Variants in DSC1 observed in about 807,000 individuals in gnomAD.
DSC1 encodes the protein desmocollin-1.
DSC1 carries 79 observed loss-of-function variants against 98.8 expected under a neutral mutation model. That is an observed-to-expected ratio of 0.80 (90% CI 0.67 to 0.96). The LOEUF (loss-of-function observed/expected upper bound fraction) is 0.96, where lower values mean the gene tolerates loss of function less well. DSC1 is among the 50% of genes least tolerant of loss of function. DSC1 has a pLI of 0.00. For synonymous variants in DSC1, 405 were observed against 372.1 expected (o/e 1.09, Z -1.02); for missense variants, 1,115 against 1,075.9 (o/e 1.04, Z -0.51).
intron 1 of DSC1, among the ~76,000 whole-genome samples, chr18:31,160,957 G>A (rs529097675): frequency 1.5e-4 from 23 of 151,962 alleles, no homozygotes; most frequent in Non-Finnish European, 2.8e-4. Flanking sequence ...TTTCATCCTT[G>A]TGCAGACATC....
In DSC1 at chr18:31,130,689, T is replaced by C; in HGVS notation, c.2510A>G (p.Asp837Gly). 2 of 1,614,162 alleles carry C rather than the reference T, an allele frequency of 1.2e-6. No homozygotes were observed. Among genetic ancestry groups the C allele is most frequent in the Middle Eastern group, 1.7e-4 (1 of 6,060 alleles). Residue 837 changes from aspartate (D) to glycine (G), a missense_variant, in exon 16 of 16, where the codon GAT (aspartate) becomes GGT (glycine). Physicochemically the swap from Asp to Gly is moderately conservative, Grantham distance 94 (BLOSUM62 -1). Transcript: ENST00000257198. ...LGEKVYLCGQ[D>G]EEHKHCEDYV... ...GTCTTCACAATGTTTATGCTCCTCA[T>C]CTTGTCCACACAAATACACCTTCTG...
Position 31,139,842 on chromosome 18 carries a change from G to T in DSC1, c.1569C>A (p.His523Gln). 6.2e-7 allele frequency: 1 copy of T among 1,611,332 alleles called. No homozygotes were observed. The highest frequency in any genetic ancestry group is 8.5e-7 in the Non-Finnish European group (1 of 1,179,242). ...DEDNWFEINQ[H>Q]TGDLRTLKVL... ...CTTTTAGAGTTCTCAAGTCGCCAGT[G>T]TGTTGATTAATTTCAAACCAGTTAT... is the stretch of plus-strand genomic sequence containing the variant. Residue 523 changes from histidine to glutamine, a missense_variant, in exon 11 of 16, where the codon CAC becomes CAA. Coordinates refer to ENST00000257198, the MANE Select transcript of DSC1 (RefSeq NM_024421.2).
rs770263674 is a variant in DSC1 at position 31,145,691 on chromosome 18, T to A, written c.859A>T (p.Ile287Phe). ...TRLKYKILQQ[I>F]PDHPKHFSIH... ...GAGAAATGCTTTGGATGATCTGGGA[T>A]TTGTTGTAAGATTTTATATTTCAGA... Residue 287 changes from isoleucine to phenylalanine, a missense_variant, in exon 7 of 16, where the codon ATC becomes TTC. Ile to Phe is a conservative substitution (Grantham distance 21). Transcript: ENST00000257198. 7 of 1,614,088 alleles carry A rather than the reference T, an allele frequency of 4.3e-6. No homozygotes were observed. The highest frequency in any genetic ancestry group is 5.9e-6 in the Non-Finnish European group (7 of 1,180,040).
At chr18:31,143,468 A>G (rs1885410756) in intron 8 of DSC1, among the ~76,000 whole-genome samples, 189 bp downstream of exon 8, 2 of 152,142 alleles carry the variant, frequency 1.3e-5, no homozygotes, top group South Asian at 4.1e-4. Context: ...TTATTTCCCT[A>G]GCATCCAGAA....
Position 31,141,988 on chromosome 18 carries a change from T to G in DSC1, c.1260+11A>C. ...ATTTTAAAGCATAGCCTGATTATTT[T>G]ATTTGTTTACCTTGACAACACACAG... On this transcript the variant is annotated intron_variant, in intron 9 of 15. Coordinates refer to ENST00000257198, the MANE Select transcript of DSC1 (RefSeq NM_024421.2). The G allele has an allele frequency of 6.3e-7, 1 of 1,590,990 alleles. No homozygotes were observed. Among genetic ancestry groups the G allele is most frequent in the Non-Finnish European group, 8.5e-7 (1 of 1,173,492 alleles).
chr18:31,132,352 C>T (rs1988512648), intron 14 of DSC1: 1 of 502,688 alleles, frequency 2.0e-6, no homozygotes, highest in Non-Finnish European at 3.4e-6. Context: ...TGAAACAATA[C>T]TTGTCTGTTG....
chr18:31,138,618 A>C (rs1598616229), intron 11 of DSC1, among the ~76,000 whole-genome samples: 1 of 6,504 alleles, frequency 1.5e-4, no homozygotes, highest in Non-Finnish European at 9.8e-4. Flanking sequence ...TTTTGTTATT[A>C]AAAAAAAAAA....
rs760668090 is a variant in DSC1, at chr18:31,142,098, G to A, written c.1161C>T (p.His387=). ...VQDQDLPNTP[H]SKAVYKILQG... is the part of the protein sequence containing the mutation. ...GTAGGATTTTGTATACAGCCTTTGA[G>A]TGAGGAGTGTTTGGCAAATCCTGAT... The change falls in exon 9 of 16, where the codon CAC becomes CAT. Residue 387 remains histidine, a synonymous_variant. Coordinates refer to ENST00000257198, the MANE Select transcript of DSC1 (RefSeq NM_024421.2). 4 of 1,613,154 alleles carry A rather than the reference G, an allele frequency of 2.5e-6. No individual in the cohort carries two copies. Among genetic ancestry groups the A allele is most frequent in the African/African-American group, 1.3e-5 (1 of 74,822 alleles).
In DSC1 at chr18:31,132,706, A is replaced by T. The variant is rs367575715; in HGVS notation, c.2117-17T>A. 1.9e-6 allele frequency: 3 copies of T among 1,605,284 alleles called. No individual in the cohort carries two copies. Among genetic ancestry groups the T allele is most frequent in the African/African-American group, 2.7e-5 (2 of 74,574 alleles). On this transcript the variant is annotated splice_polypyrimidine_tract_variant and intron_variant, in intron 13 of 15. Coordinates refer to ENST00000257198, the MANE Select transcript of DSC1 (RefSeq NM_024421.2). ...ACAGAATACCTAAAAAGCAAAAAAG[A>T]TCAAAGTAAAACACAGACATTAAAT...
chr18:31,150,091 CCAT>C (rs1374162449), intron 5 of DSC1, among the ~76,000 whole-genome samples: 4 of 148,728 alleles, frequency 2.7e-5, no homozygotes, highest in Non-Finnish European at 4.5e-5. Flanking sequence ...AGCAGCAGCT[CCAT>C]CATCATCATG....
chr18:31,148,649 G>C lies in DSC1; in HGVS notation c.628-7C>G. The C allele has an allele frequency of 6.4e-7, 1 of 1,561,842 alleles. No individual in the cohort carries two copies. The stretch of plus-strand genomic sequence containing the variant: ...TTGTTGCATAGCCATATAACTGAAA[G>C]AAGGGAAAATACCATCAATGTATTC... On this transcript the variant is annotated splice_region_variant and splice_polypyrimidine_tract_variant and intron_variant, in intron 5 of 15. Transcript: ENST00000257198.
In DSC1 at chr18:31,132,534, C is replaced by A. The variant is rs770663239; in HGVS notation, c.2238+34G>T. 6 of 1,608,100 alleles carry A rather than the reference C, an allele frequency of 3.7e-6. No individual in the cohort carries two copies. The Admixed American group carries it at 1.0e-4, about 27-fold the overall frequency. Reference sequence around the variant, plus strand: ...TAATAATCTGTCATCATTTGTTCACCGTACAATTCAAAGGGATGTGAAATC... The same window carrying A: ...TAATAATCTGTCATCATTTGTTCACAGTACAATTCAAAGGGATGTGAAATC... On this transcript the variant is annotated intron_variant, in intron 14 of 15. Transcript: ENST00000257198.
At position 31,130,735 on chromosome 18, in the gene DSC1, T is replaced by C. The variant is rs200998108; in HGVS notation, c.2488-24A>G. Reference sequence around the variant, plus strand: ...TTCTGTATCAAAAAAGAGCACATTTTATTATTTTTTAAAAAACACCTAAAC... The same window carrying C: ...TTCTGTATCAAAAAAGAGCACATTTCATTATTTTTTAAAAAACACCTAAAC... On this transcript the variant is annotated intron_variant, in intron 15 of 15. Transcript: ENST00000257198. 36 of 1,612,598 alleles carry C rather than the reference T, an allele frequency of 2.2e-5. No homozygotes were observed. The East Asian group carries it at 7.8e-4, about 35-fold the overall frequency.
At chr18:31,154,214 A>C (rs1989051188) in intron 5 of DSC1, among the ~76,000 whole-genome samples, 1 of 152,066 alleles carries the variant, frequency 6.6e-6, no homozygotes, top group Non-Finnish European at 1.5e-5. Context: ...GTTCTGGGTT[A>C]CTAAGGAAGT....
intron 11 of DSC1, among the ~76,000 whole-genome samples, chr18:31,135,009 A>G (rs1185964680): frequency 6.6e-6 from 1 of 152,136 alleles, no homozygotes; most frequent in African/African-American, 2.4e-5. Flanking sequence ...TTTCAAAACT[A>G]AAAGGTATGA....
In DSC1 at chr18:31,140,241, G is replaced by C; in HGVS notation, c.1321C>G (p.Gln441Glu). The change falls in exon 10 of 16, where the codon CAA becomes GAA. Residue 441 changes from glutamine (Q) to glutamate (E), a missense_variant. Coordinates refer to ENST00000257198, the MANE Select transcript of DSC1 (RefSeq NM_024421.2). ...TGTGAGCTCGCTGCTTTAGAGAATTGTGCCTCGTTAATGACACCAACTTGC... is the reference window on the plus strand; with the variant it reads ...TGTGAGCTCGCTGCTTTAGAGAATTCTGCCTCGTTAATGACACCAACTTGC... Reference protein sequence around the residue: ...ILQVGVINEAQFSKAASSQTP... With the variant: ...ILQVGVINEAEFSKAASSQTP... The C allele has an allele frequency of 6.2e-7, 1 of 1,614,006 alleles. No homozygotes were observed. The highest frequency in any genetic ancestry group is 8.5e-7 in the Non-Finnish European group (1 of 1,179,930).
intron 8 of DSC1, 82 bp from the exon 9 acceptor site, chr18:31,142,266 AAAAT>A: frequency 6.9e-7 from 1 of 1,439,460 alleles, no homozygotes; most frequent in Non-Finnish European, 9.4e-7. Flanking sequence ...TTTAAAGAAA[AAAAT>A]AAATAAAGTG....
rs1292662272 is a variant in DSC1, at chr18:31,130,366, T to C, written c.*148A>G. The C allele has an allele frequency of 2.6e-6, 2 of 777,184 alleles. No homozygotes were observed. Among genetic ancestry groups the C allele is most frequent in the Non-Finnish European group, 4.1e-6 (2 of 488,572 alleles). The allele number at this position is 777,184 out of a possible 1,614,324, so 48.1% of individuals were successfully genotyped here. A position where few individuals can be genotyped will look rare whatever the true frequency, so the allele number is the denominator to read the frequency against. On this transcript the variant is annotated 3_prime_UTR_variant, in exon 16 of 16. Transcript: ENST00000257198. ...GAAGTTATACCAGACAAGGAGAATG[T>C]AGGGGAATCTCATATTTATAGTACC...
intron 1 of DSC1, among the ~76,000 whole-genome samples, chr18:31,159,785 A>G (rs1039604881): frequency 6.6e-6 from 1 of 152,234 alleles, no homozygotes; most frequent in African/African-American, 2.4e-5. Flanking sequence ...GTGTCAATGC[A>G]AGAAAATATT....
Sources: gnomAD v4.1 joint callset for allele counts (sites outside exome capture counted in the v4.1 genomes callset) on GRCh38, gnomAD v4.1.1 for gene constraint, MANE v1.5 for transcripts, NCBI Gene and HGNC (gene_info 2026-07-23, HGNC 2026-07-21) for gene names.